DYRK4: variants seen among roughly 807,000 people sequenced by gnomAD.
DYRK4 encodes dual specificity tyrosine phosphorylation regulated kinase 4.
A neutral mutation model predicts 68.3 loss-of-function variants in DYRK4; 64 were observed. The observed-to-expected ratio is 0.94, with a 90% confidence interval of 0.77 to 1.15. The LOEUF (loss-of-function observed/expected upper bound fraction) is 1.15. Ranked by LOEUF, DYRK4 falls within the 50% of genes most tolerant of loss-of-function variation. The pLI is 0.00. For synonymous variants in DYRK4, 274 were observed against 289.9 expected (o/e 0.95, Z 0.56); for missense variants, 740 against 764.7 (o/e 0.97, Z 0.38).
rs1183711261 is a variant in DYRK4 at position 4,613,864 on chromosome 12, T to C, written c.*111T>C. 7.6e-7 allele frequency: 1 copy of C among 1,315,764 alleles called. No homozygotes were observed. Among genetic ancestry groups the C allele is most frequent in the Non-Finnish European group, 9.9e-7 (1 of 1,008,442 alleles). 81.5% of individuals were successfully genotyped at this position (1,315,764 alleles called of 1,614,324 possible). A position where few individuals can be genotyped will look rare whatever the true frequency, so the allele number is the denominator to read the frequency against. Reference sequence around the variant, plus strand: ...TTTTTAAATACATAAAACTTTATGTTAAAAAACTCTATTAACATGGCCAAT... The same window carrying C: ...TTTTTAAATACATAAAACTTTATGTCAAAAAACTCTATTAACATGGCCAAT... On this transcript the variant is annotated 3_prime_UTR_variant, in exon 15 of 15. Coordinates refer to ENST00000543431, the MANE Select transcript of DYRK4 (RefSeq NM_001394779.1). The surrounding 1 kb of genome is among the most constrained non-coding windows in gnomAD (Gnocchi z 4.0).
chr12:4,578,642 G>A (rs866974262), intron 2 of DYRK4, among the ~76,000 whole-genome samples: 16 of 152,174 alleles, frequency 1.1e-4, no homozygotes, highest in Non-Finnish European at 5.9e-5. Flanking sequence ...TGATTCTGGT[G>A]TTTATAGTTT....
At chr12:4,605,735 T>TTTG (rs1407420349) in intron 11 of DYRK4, among the ~76,000 whole-genome samples, 2 of 125,288 alleles carry the variant, frequency 1.6e-5, no homozygotes, top group Non-Finnish European at 3.2e-5. Context: ...CTGGGTTTTT[T>TTTG]TTTTTTTTTT....
At chr12:4,578,566 C>T (rs1944810921) in intron 2 of DYRK4, among the ~76,000 whole-genome samples, 1 of 152,026 alleles carries the variant, frequency 6.6e-6, no homozygotes, top group African/African-American at 2.4e-5. Context: ...TAAGTTTTAC[C>T]TGATAATTCC....
chr12:4,613,835 GT>G lies in DYRK4; in HGVS notation c.*90del, dbSNP rs1945259045. 1.4e-5 allele frequency: 19 copies of G among 1,360,730 alleles called. No homozygotes were observed. The highest frequency in any genetic ancestry group is 5.1e-5 in the South Asian group (2 of 39,518). The allele number at this position is 1,360,730 out of a possible 1,614,324, so 84.3% of individuals were successfully genotyped here. A position where few individuals can be genotyped will look rare whatever the true frequency, so the allele number is the denominator to read the frequency against. On this transcript the variant is annotated 3_prime_UTR_variant, in exon 15 of 15. Coordinates refer to ENST00000543431, the MANE Select transcript of DYRK4 (RefSeq NM_001394779.1). This position sits in a 1 kb window ranked among gnomAD's most constrained non-coding sequence, Gnocchi z 4.0. ...CTTATATTGTACAATACTTCAGACT[GT>G]TTTTTTTAAATACATAAAACTTTAT...
At chr12:4,588,905 G>A (rs1432146450) in intron 2 of DYRK4, 32 bp from the exon 3 acceptor site, 6 of 1,529,606 alleles carry the variant, frequency 3.9e-6, no homozygotes, top group South Asian at 1.2e-5. Flanking sequence ...GCCATGCCAA[G>A]CATTGTTCCT....
Position 4,596,238 on chromosome 12 carries a change from C to A in DYRK4, c.717C>A (p.His239Gln), listed in dbSNP as rs1945016434. 1 of 1,614,156 alleles carries A rather than the reference C, an allele frequency of 6.2e-7. No individual in the cohort carries two copies. Among genetic ancestry groups the A allele is most frequent in the African/African-American group, 1.3e-5 (1 of 75,040 alleles). The change falls in exon 7 of 15, where the codon CAC becomes CAA. Residue 239 changes from histidine to glutamine, a missense_variant. His to Gln is a conservative substitution (Grantham distance 24). Around this residue, in one of 3 missense-constraint regions of DYRK4, gnomAD observed 614 missense variants for 603.7 expected, o/e 1.02. Coordinates refer to ENST00000543431, the MANE Select transcript of DYRK4 (RefSeq NM_001394779.1). ...SFGQVAKCLDHKNNELVALKI... is the reference protein window; with the variant it reads ...SFGQVAKCLDQKNNELVALKI... ...GACAGGTGGCCAAGTGCTTGGATCA[C>A]AAAAACAATGAGCTGGTGGCCCTGA...
intron 7 of DYRK4, 40 bp from the exon 8 acceptor site, chr12:4,596,549 C>G (rs751506888): frequency 3.1e-6 from 5 of 1,602,570 alleles, no homozygotes; most frequent in Non-Finnish European, 4.3e-6. Context: ...ATGTTTCTAT[C>G]CCCATTTCCC....
intron 10 of DYRK4, chr12:4,602,200 T>C: frequency 1.2e-6 from 1 of 859,216 alleles, no homozygotes; most frequent in Non-Finnish European, 2.0e-6. Context: ...TACTCTGCTG[T>C]TCATGTCTTC....
Position 4,613,392 on chromosome 12 carries a change from A to T in DYRK4, c.1667-123A>T, listed in dbSNP as rs1407415368. On this transcript the variant is annotated intron_variant, in intron 14 of 14. Transcript: ENST00000543431. This position sits in a 1 kb window ranked among gnomAD's most constrained non-coding sequence, Gnocchi z 4.0. The stretch of plus-strand genomic sequence containing the variant: ...CCCGGCACATTGGAGGTGCTTTACA[A>T]ATGAACTGTTTTTATATCATCACGG... The T allele has an allele frequency of 7.7e-7, 1 of 1,297,310 alleles. No homozygotes were observed. The highest frequency in any genetic ancestry group is 1.1e-6 in the Non-Finnish European group (1 of 952,000). 80.4% of individuals were successfully genotyped at this position (1,297,310 alleles called of 1,614,324 possible). A position where few individuals can be genotyped will look rare whatever the true frequency, so the allele number is the denominator to read the frequency against.
intron 7 of DYRK4, 28 bp from the exon 8 acceptor site, chr12:4,596,561 C>A (rs1323952633): frequency 1.9e-6 from 3 of 1,605,476 alleles, no homozygotes; most frequent in Non-Finnish European, 2.5e-6. Flanking sequence ...CCATTTCCCA[C>A]CCTGCCGGCC....
intron 6 of DYRK4, 61 bp from the exon 7 acceptor site, chr12:4,596,088 T>C: frequency 1.9e-6 from 3 of 1,574,510 alleles, no homozygotes; most frequent in Admixed American, 3.4e-5. Flanking sequence ...GCCAGGGCCA[T>C]GTACCAGGAA....
intron 2 of DYRK4, among the ~76,000 whole-genome samples, chr12:4,568,638 G>A (rs1464373381): frequency 1.3e-5 from 2 of 152,046 alleles, no homozygotes; most frequent in African/African-American, 2.4e-5. Flanking sequence ...TGCCCGCCTC[G>A]GCCTCCCAAA....
rs757896950 is a variant in DYRK4, at chr12:4,604,962, T to G, written c.1175T>G (p.Leu392Arg). Residue 392 changes from leucine to arginine, a missense_variant, in exon 11 of 15, where the codon CTG becomes CGG. Leu to Arg is a moderately radical substitution (Grantham distance 102, BLOSUM62 -2). Transcript: ENST00000543431. ...TTCTACCGATCCCCAGAAGTGATCC[T>G]GGGCCACCCCTACGACGTGGCCATT... ...SRFYRSPEVI[L>R]GHPYDVAIDM... 9 of 1,613,466 alleles carry G rather than the reference T, an allele frequency of 5.6e-6. 2 individuals carry two copies. In the South Asian group the frequency reaches 8.8e-5, roughly 16 times the overall value.
chr12:4,576,974 C>A (rs2137334552), intron 2 of DYRK4, among the ~76,000 whole-genome samples: 1 of 152,256 alleles, frequency 6.6e-6, no homozygotes, highest in East Asian at 1.9e-4. Context: ...GTTTTCTTAA[C>A]AAAGTCTTTT....
At chr12:4,590,072 A>G in intron 3 of DYRK4, 5 of 1,113,358 alleles carry the variant, frequency 4.5e-6, no homozygotes, top group Non-Finnish European at 5.6e-6. Flanking sequence ...GTTTCGAGAA[A>G]GAGTCAGTGT....
At chr12:4,611,380 C>G (rs1345712038) in intron 13 of DYRK4, among the ~76,000 whole-genome samples, 1 of 152,214 alleles carries the variant, frequency 6.6e-6, no homozygotes, top group South Asian at 2.1e-4. Context: ...CCATCCAGAA[C>G]ACAGCTCAGC....
intron 2 of DYRK4, among the ~76,000 whole-genome samples, chr12:4,569,833 G>A (rs575137107): frequency 2.5e-4 from 38 of 152,128 alleles, no homozygotes; most frequent in Middle Eastern, 3.4e-3. Flanking sequence ...GGGTTGTTCC[G>A]TAAAGTTCCT....
intron 2 of DYRK4, among the ~76,000 whole-genome samples, chr12:4,568,448 C>A (rs1460187121): frequency 2.0e-5 from 3 of 151,476 alleles, no homozygotes; most frequent in Non-Finnish European, 4.4e-5. Flanking sequence ...TGAAATGGTG[C>A]AATCTCAGCT....
chr12:4,563,162 A>G (rs766426003), intron 1 of DYRK4: 1 of 455,992 alleles, frequency 2.2e-6, no homozygotes, highest in Non-Finnish European at 4.4e-6. Flanking sequence ...CGATTTGATC[A>G]CCTACATGTG....
Sources: allele counts gnomAD v4.1 joint callset (sites outside exome capture counted in the v4.1 genomes callset), GRCh38; gene constraint gnomAD v4.1.1; regional missense constraint gnomAD v4.1.1; non-coding constraint Gnocchi (gnomAD v3.1); transcripts MANE v1.5; gene names NCBI Gene and HGNC (gene_info 2026-07-23, HGNC 2026-07-21).